The following CDC14B variants were observed in gnomAD, a reference collection of about 807,000 sequenced individuals.
CDC14B encodes the protein dual specificity protein phosphatase CDC14B.
A neutral mutation model predicts 64.2 loss-of-function variants in CDC14B; 22 were observed. That is an observed-to-expected ratio of 0.34 (90% CI 0.24 to 0.49). The LOEUF (loss-of-function observed/expected upper bound fraction) is 0.49. CDC14B is among the 20% of genes least tolerant of loss of function. The pLI is 0.99. For synonymous variants in CDC14B, 191 were observed against 215.8 expected, an observed-to-expected ratio of 0.89 and a Z score of 1.01; for missense variants, 498 against 629.9, an observed-to-expected ratio of 0.79 and a Z score of 2.24.
downstream of CDC14B, among the ~76,000 whole-genome samples, chr9:96,496,880 T>C (rs1225205047): frequency 6.6e-6 from 1 of 152,068 alleles, no homozygotes; most frequent in Non-Finnish European, 1.5e-5. Context: ...GAGTGAGCCG[T>C]TCCCAGCTGG....
At chr9:96,581,967 CT>C (rs1478328667) in intron 1 of CDC14B, among the ~76,000 whole-genome samples, 7 of 152,204 alleles carry the variant, frequency 4.6e-5, no homozygotes, top group African/African-American at 1.7e-4. Flanking sequence ...AGTTTATCCC[CT>C]GCAGCCCTGG....
chr9:96,603,212 G>T (rs887463971), intron 1 of CDC14B, among the ~76,000 whole-genome samples: 4 of 150,190 alleles, frequency 2.7e-5, no homozygotes, highest in Non-Finnish European at 5.9e-5. Flanking sequence ...AACATCTCTG[G>T]TAAGACACAC....
intron 1 of CDC14B, among the ~76,000 whole-genome samples, chr9:96,593,436 G>C (rs1333000254): frequency 6.7e-6 from 1 of 148,954 alleles, no homozygotes; most frequent in Admixed American, 6.7e-5. Flanking sequence ...GCAGTGAGCT[G>C]AGATGGCACC....
chr9:96,523,197 C>G (rs1399971663), intron 11 of CDC14B, 64 bp downstream of exon 11: 2 of 1,537,618 alleles, frequency 1.3e-6, no homozygotes, highest in Non-Finnish European at 1.8e-6. Flanking sequence ...TTTCTCCATA[C>G]CCTGACAGGT....
Position 96,539,065 on chromosome 9 carries a change from C to T in CDC14B, c.627+13G>A, listed in dbSNP as rs776136985. 1.3e-6 allele frequency: 2 copies of T among 1,575,184 alleles called. No homozygotes were observed. Among genetic ancestry groups the T allele is most frequent in the Admixed American group, 3.4e-5 (2 of 59,612 alleles). ...GGGAGGAAGAGTTGAAAACATGATC[C>T]TTGAAGACTTACTTCATAGTGTTCA... On this transcript the variant is annotated intron_variant, in intron 7 of 13. Transcript: ENST00000375241.
At chr9:96,594,856 T>G (rs1436177349) in intron 1 of CDC14B, among the ~76,000 whole-genome samples, 1 of 150,386 alleles carries the variant, frequency 6.6e-6, no homozygotes, top group Non-Finnish European at 1.5e-5. Context: ...GGGAAATAAA[T>G]AATAATTAGC....
intron 5 of CDC14B, among the ~76,000 whole-genome samples, chr9:96,547,856 C>A (rs368836684): frequency 1.3e-5 from 2 of 151,272 alleles, no homozygotes; most frequent in African/African-American, 4.9e-5. Context: ...GATGGAGCCT[C>A]GCTCTGTTGC....
intron 1 of CDC14B, among the ~76,000 whole-genome samples, chr9:96,596,377 A>C (rs1846077886): frequency 6.6e-6 from 1 of 151,016 alleles, no homozygotes; most frequent in South Asian, 2.1e-4. Context: ...AAAAAAAAAA[A>C]AAACACACAA....
chr9:96,555,916 T>C (rs902758082), intron 4 of CDC14B, among the ~76,000 whole-genome samples: 1 of 140,864 alleles, frequency 7.1e-6, no homozygotes, highest in Non-Finnish European at 1.6e-5. Context: ...ATTACTAACA[T>C]ACGTTTCAAA....
At chr9:96,557,231 C>T (rs1236913120) in intron 4 of CDC14B, among the ~76,000 whole-genome samples, 1 of 152,244 alleles carries the variant, frequency 6.6e-6, no homozygotes. Flanking sequence ...TGGCTTCCCA[C>T]TGAGGGCCTG....
chr9:96,535,258 GA>G (rs1839119237), intron 7 of CDC14B, among the ~76,000 whole-genome samples: 1 of 152,102 alleles, frequency 6.6e-6, no homozygotes, highest in East Asian at 1.9e-4. Context: ...AGTGAGCCGA[GA>G]TTGTGCCATT....
At chr9:96,616,422 A>C (rs1254356723) in intron 1 of CDC14B, among the ~76,000 whole-genome samples, 1 of 152,088 alleles carries the variant, frequency 6.6e-6, no homozygotes, top group Non-Finnish European at 1.5e-5. Flanking sequence ...CAAGGGAGGA[A>C]GACTCCATAA....
In CDC14B at chr9:96,619,188, G is replaced by A. The variant is rs1847828734; in HGVS notation, c.160+31C>T. On this transcript the variant is annotated intron_variant, in intron 1 of 13. Coordinates refer to ENST00000375241, the MANE Select transcript of CDC14B (RefSeq NM_033331.4). ...GCCCCGCGCCGGGTGCGGCCGTCCG[G>A]GGCCCTCCGCGCGCCCACTGGCCGG... 2.4e-6 allele frequency: 3 copies of A among 1,240,360 alleles called. No individual in the cohort carries two copies. The African/African-American group carries it at 4.7e-5, about 19-fold the overall frequency. The allele number at this position is 1,240,360 out of a possible 1,614,324, so 76.8% of individuals were successfully genotyped here.
intron 1 of CDC14B, among the ~76,000 whole-genome samples, chr9:96,588,631 G>A (rs1368690297): frequency 6.6e-6 from 1 of 152,010 alleles, no homozygotes; most frequent in Admixed American, 6.6e-5. Flanking sequence ...GGACCACAGG[G>A]ACACAACACC....
intron 6 of CDC14B, among the ~76,000 whole-genome samples, chr9:96,540,624 A>G (rs1239159683): frequency 6.6e-6 from 1 of 152,014 alleles, no homozygotes; most frequent in East Asian, 1.9e-4. Context: ...AAGCCAAAAA[A>G]TAATAATAGA....
chr9:96,618,728 G>A, intron 1 of CDC14B: 2 of 391,990 alleles, frequency 5.1e-6, no homozygotes, highest in South Asian at 1.9e-5. Flanking sequence ...CCAAGGCTAC[G>A]GAGCAGCGGG....
intron 1 of CDC14B, among the ~76,000 whole-genome samples, chr9:96,588,272 T>G (rs1479303227): frequency 1.3e-5 from 2 of 152,154 alleles, no homozygotes; most frequent in Non-Finnish European, 2.9e-5. Context: ...AGCCGGCTTT[T>G]ACAACAACAC....
At chr9:96,497,239 G>A (rs976284001), downstream of CDC14B, among the ~76,000 whole-genome samples, 1 of 152,214 alleles carries the variant, frequency 6.6e-6, no homozygotes, top group African/African-American at 2.4e-5. Flanking sequence ...GTCCAGAAGC[G>A]TGTCAAAGCC....
intron 1 of CDC14B, chr9:96,566,874 G>C: frequency 6.4e-7 from 1 of 1,569,688 alleles, no homozygotes; most frequent in Non-Finnish European, 8.6e-7. Context: ...GCCGAGAGGG[G>C]AGGCGCCGCG....
Sources: allele counts gnomAD v4.1 joint callset (sites outside exome capture counted in the v4.1 genomes callset), GRCh38; gene constraint gnomAD v4.1.1; transcripts MANE v1.5; gene names NCBI Gene and HGNC (gene_info 2026-07-23, HGNC 2026-07-21).